The following BNIP2 variants were observed in gnomAD, a reference collection of about 807,000 sequenced individuals.
The protein encoded by BNIP2 is BCL2/adenovirus E1B 19 kDa protein-interacting protein 2.
BNIP2 carries 36 observed loss-of-function variants against 43.4 expected under a neutral mutation model. The observed-to-expected ratio is 0.83, with a 90% CI of 0.64 to 1.10. BNIP2 has a LOEUF of 1.10. Ranked by LOEUF, BNIP2 falls within the 50% of genes least tolerant of loss-of-function variation. The pLI is 0.00. For synonymous variants in BNIP2, 146 were observed against 121.0 expected, an observed-to-expected ratio of 1.21 and a Z score of -1.35; for missense variants, 417 against 374.1, an observed-to-expected ratio of 1.11 and a Z score of -0.95.
At chr15:59,685,148 G>T (rs1271102267) in intron 1 of BNIP2, among the ~76,000 whole-genome samples, 2 of 152,170 alleles carry the variant, frequency 1.3e-5, no homozygotes, top group Non-Finnish European at 2.9e-5. Flanking sequence ...GGAAATTCTA[G>T]AAGACAATCC....
In BNIP2 at chr15:59,662,391, G is replaced by A. The variant is rs1892324939; in HGVS notation, c.*1678C>T. 2 of 152,164 alleles carry A rather than the reference G, an allele frequency of 1.3e-5. No homozygotes were observed. The highest frequency in any genetic ancestry group is 1.3e-4 in the Admixed American group (2 of 15,272). The allele number at this position is 152,164 out of a possible 1,614,324, so 9.4% of individuals were successfully genotyped here. A position where few individuals can be genotyped will look rare whatever the true frequency, so the allele number is the denominator to read the frequency against. ...AATGTGAGCAAGCAATAATCGTTTT[G>A]GCTCAATTCACTGTAATGACATTAG... is the stretch of plus-strand genomic sequence containing the variant. On this transcript the variant is annotated 3_prime_UTR_variant, in exon 10 of 10. Coordinates refer to ENST00000607373, the MANE Select transcript of BNIP2 (RefSeq NM_004330.4).
At chr15:59,675,806 A>G (rs1893246033) in intron 5 of BNIP2, among the ~76,000 whole-genome samples, 1 of 152,228 alleles carries the variant, frequency 6.6e-6, no homozygotes, top group African/African-American at 2.4e-5. Flanking sequence ...TACTGTGGAT[A>G]CGTGCAACAA....
chr15:59,668,660 G>A (rs1298090380), intron 9 of BNIP2: 9 of 433,324 alleles, frequency 2.1e-5, no homozygotes, highest in Non-Finnish European at 2.9e-5. Context: ...AATCACAACC[G>A]GAAATAATTT....
At chr15:59,678,590 T>G in intron 4 of BNIP2, 2 of 1,121,030 alleles carry the variant, frequency 1.8e-6, no homozygotes, top group Non-Finnish European at 2.2e-6. Flanking sequence ...AGAAATGTAT[T>G]TATAATACTT....
chr15:59,686,959 G>A (rs1441186143), intron 1 of BNIP2, among the ~76,000 whole-genome samples: 2 of 152,238 alleles, frequency 1.3e-5, no homozygotes, highest in Admixed American at 6.5e-5. Flanking sequence ...AGAGGTTGCA[G>A]TGAGCCGAGA....
At chr15:59,666,363 A>C (rs1336568714) in intron 9 of BNIP2, among the ~76,000 whole-genome samples, 2 of 152,108 alleles carry the variant, frequency 1.3e-5, no homozygotes, top group African/African-American at 4.8e-5. Flanking sequence ...CCTTGCACCT[A>C]GCTTCTGTAA....
At chr15:59,677,001 T>C in intron 5 of BNIP2, 1 of 1,613,260 alleles carries the variant, frequency 6.2e-7, no homozygotes, top group African/African-American at 1.3e-5. Context: ...TATCTCCATT[T>C]TGTGAAGATT....
At chr15:59,684,274 C>A (rs1427318208) in intron 1 of BNIP2, among the ~76,000 whole-genome samples, 6 of 152,194 alleles carry the variant, frequency 3.9e-5, no homozygotes, top group Admixed American at 3.3e-4. Context: ...GCTGACTTTT[C>A]CACACCAACT....
In BNIP2 at chr15:59,680,316, A is replaced by G. The variant is rs1469268753; in HGVS notation, c.51-8T>C. ...TCATCTTCTGGTAAAGGTCTAGAAG[A>G]CACAGGCATACTTTTTAATCCAGAA... On this transcript the variant is annotated splice_region_variant and splice_polypyrimidine_tract_variant and intron_variant, in intron 2 of 9. Coordinates refer to ENST00000607373, the MANE Select transcript of BNIP2 (RefSeq NM_004330.4). The G allele has an allele frequency of 1.2e-5, 19 of 1,583,442 alleles. No individual in the cohort carries two copies. Among genetic ancestry groups the G allele is most frequent in the Non-Finnish European group, 1.6e-5 (19 of 1,163,796 alleles).
At chr15:59,680,365 A>G in intron 2 of BNIP2, 57 bp from the exon 3 acceptor site, 1 of 1,309,358 alleles carries the variant, frequency 7.6e-7, no homozygotes, top group Non-Finnish European at 1.1e-6. Context: ...TTTTTTTTGA[A>G]GTTCAATCTA....
chr15:59,675,838 T>A (rs546875214), intron 5 of BNIP2, among the ~76,000 whole-genome samples: 29 of 152,230 alleles, frequency 1.9e-4, no homozygotes, highest in African/African-American at 6.7e-4. Context: ...CTCAAAAACT[T>A]CATGCTGAAA....
chr15:59,686,653 C>G lies in BNIP2; in HGVS notation c.-58+2482G>C, dbSNP rs929393839. ...GATCACCAAACATGCTTGAAAAAATCCTAGACATGTGCTTGTCATTGCTCC... is the reference window on the plus strand; with the variant it reads ...GATCACCAAACATGCTTGAAAAAATGCTAGACATGTGCTTGTCATTGCTCC... On this transcript the variant is annotated intron_variant, in intron 1 of 9. Coordinates refer to ENST00000607373, the MANE Select transcript of BNIP2 (RefSeq NM_004330.4). Among the ~76,000 whole-genome samples the G allele has an allele frequency of 2.0e-5, 3 of 152,270 alleles. 1 individual carries two copies. The South Asian group carries it at 6.2e-4, about 32-fold the overall frequency.
chr15:59,664,204 TA>T, intron 9 of BNIP2, 84 bp from the exon 10 acceptor site: 1 of 868,682 alleles, frequency 1.2e-6, no homozygotes, highest in African/African-American at 1.7e-5. Context: ...TAGCATAGAA[TA>T]TTACTCTGTT....
At position 59,679,733 on chromosome 15, in the gene BNIP2, T is replaced by G. The variant is rs772293006; in HGVS notation, c.154A>C (p.Lys52Gln). The change falls in exon 4 of 10, where the codon AAA becomes CAA. Residue 52 changes from lysine (K) to glutamine (Q), a missense_variant. Transcript: ENST00000607373. ...LEVNGNKVRKKLMAPDISLTL... is the reference protein window; with the variant it reads ...LEVNGNKVRKQLMAPDISLTL... Reference sequence around the variant, plus strand: ...AGGCTAATGTCTGGAGCCATTAGTTTCTTTCTCACTTTATTTCCATTAACT... The same window carrying G: ...AGGCTAATGTCTGGAGCCATTAGTTGCTTTCTCACTTTATTTCCATTAACT... The G allele has an allele frequency of 6.4e-7, 1 of 1,564,406 alleles. No homozygotes were observed. Among genetic ancestry groups the G allele is most frequent in the South Asian group, 1.2e-5 (1 of 83,732 alleles).
chr15:59,686,726 G>A lies in BNIP2; in HGVS notation c.-58+2409C>T, dbSNP rs190123116. ...TGAAATGAACTGCTCTATCAGAAAT[G>A]TTAACACAAGCCGGGCATGGTGGCT... On this transcript the variant is annotated intron_variant, in intron 1 of 9. Transcript: ENST00000607373. Among the ~76,000 whole-genome samples the A allele has an allele frequency of 1.8e-3, 268 of 152,256 alleles. 2 individuals carry two copies. The highest frequency in any genetic ancestry group is 1.0e-3 in the Non-Finnish European group (68 of 68,010).
At chr15:59,671,420 G>A (rs1185975609) in intron 6 of BNIP2, 106 bp from the exon 7 acceptor site, 8 of 942,060 alleles carry the variant, frequency 8.5e-6, no homozygotes, top group Non-Finnish European at 1.0e-5. Flanking sequence ...CCTACAATGA[G>A]AGCAACAATG....
chr15:59,677,053 T>C (rs1425808341), intron 5 of BNIP2: 6 of 1,611,578 alleles, frequency 3.7e-6, no homozygotes, highest in Non-Finnish European at 5.1e-6. Flanking sequence ...GGCATTCAGA[T>C]GACTTCATCT....
chr15:59,676,025 G>A (rs540531382), intron 5 of BNIP2, among the ~76,000 whole-genome samples: 83 of 152,196 alleles, frequency 5.5e-4, no homozygotes, highest in African/African-American at 1.9e-3. Flanking sequence ...AGGGGTATGG[G>A]TTTTATATAT....
chr15:59,671,280 C>T lies in BNIP2; in HGVS notation c.610G>A (p.Glu204Lys), dbSNP rs773267301. ...TTTAAATAAACTATCATGTAGTTTTCTGCTACTAATAGCTCCAAAGTGCCA... is the reference window on the plus strand; with the variant it reads ...TTTAAATAAACTATCATGTAGTTTTTTGCTACTAATAGCTCCAAAGTGCCA... Reference protein sequence around the residue: ...VIGTLELLVAENYMIVYLNGA... With the variant: ...VIGTLELLVAKNYMIVYLNGA... The change falls in exon 7 of 10, where the codon GAA (glutamate) becomes AAA (lysine). Residue 204 changes from glutamate (E) to lysine (K), a missense_variant. By Grantham distance (56) the Glu-to-Lys change is moderately conservative. Transcript: ENST00000607373. 4 of 1,595,418 alleles carry T rather than the reference C, an allele frequency of 2.5e-6. No individual in the cohort carries two copies. The East Asian group carries it at 6.7e-5, about 27-fold the overall frequency.
Sources: gnomAD v4.1 joint callset for allele counts (sites outside exome capture counted in the v4.1 genomes callset) on GRCh38, gnomAD v4.1.1 for gene constraint, MANE v1.5 for transcripts, NCBI Gene and HGNC (gene_info 2026-07-23, HGNC 2026-07-21) for gene names.